DGKG: variants seen among roughly 807,000 people sequenced by gnomAD.
DGKG encodes diacylglycerol kinase gamma.
Under a neutral mutation model 105.3 loss-of-function variants are expected in DGKG, and 78 were observed. The observed-to-expected ratio is 0.74, with a 90% CI of 0.62 to 0.89. The LOEUF (loss-of-function observed/expected upper bound fraction) is 0.89. Among genes scored for constraint, DGKG ranks in the 40% least tolerant of loss-of-function variants. The pLI, the probability that DGKG is intolerant of heterozygous loss-of-function variation, is 0.00. For missense variants in DGKG, 958 were observed against 1,020.1 expected (o/e 0.94, Z 0.83); for synonymous variants, 346 against 367.1 (o/e 0.94, Z 0.66).
intron 21 of DGKG, among the ~76,000 whole-genome samples, chr3:186,194,973 G>T (rs1228213063): frequency 6.6e-6 from 1 of 151,898 alleles, no homozygotes; most frequent in African/African-American, 2.4e-5. Flanking sequence ...GGCGTGGTGG[G>T]GGACGCCTGT....
In DGKG at chr3:186,210,768, C is replaced by G. The variant is rs1718998094; in HGVS notation, c.1917+1027G>C. The G allele has an allele frequency of 2.9e-6, 1 of 342,402 alleles. No individual in the cohort carries two copies. The highest frequency in any genetic ancestry group is 5.7e-6 in the Non-Finnish European group (1 of 174,080). 21.2% of individuals were successfully genotyped at this position (342,402 alleles called of 1,614,324 possible). On this transcript the variant is annotated intron_variant, in intron 21 of 24. Transcript: ENST00000265022. The surrounding 1 kb of genome is among the most constrained non-coding windows in gnomAD (Gnocchi z 5.2). ...GCCAAGCTGGTGGGCCAAGAGGAGC[C>G]CACCCTGGCTGAACTCTCTGGCTGC...
chr3:186,229,154 C>A (rs927246344), intron 20 of DGKG, among the ~76,000 whole-genome samples: 7 of 152,028 alleles, frequency 4.6e-5, no homozygotes, highest in African/African-American at 1.5e-4. Flanking sequence ...CTGGCGGCAA[C>A]CTCTAGAAGC....
At chr3:186,224,214 C>T (rs1719738700) in intron 20 of DGKG, among the ~76,000 whole-genome samples, 1 of 152,166 alleles carries the variant, frequency 6.6e-6, no homozygotes, top group Non-Finnish European at 1.5e-5. Context: ...GCTCCCAATT[C>T]CTTGCCAGGG....
chr3:186,268,217 C>T (rs577613476), intron 12 of DGKG, among the ~76,000 whole-genome samples: 14 of 152,306 alleles, frequency 9.2e-5, no homozygotes, highest in African/African-American at 3.1e-4. Context: ...GAGAAACCTA[C>T]ATTTTGAGGC....
Position 186,298,077 on chromosome 3 carries a change from C to T in DGKG, c.297G>A (p.Glu99=), listed in dbSNP as rs1387016296. Reference sequence around the variant, plus strand: ...AGCTCTGTGTACCTGCGCTGTTGGCCTCACTGTTGCTGGCTCCCTCCGTCG... The same window carrying T: ...AGCTCTGTGTACCTGCGCTGTTGGCTTCACTGTTGCTGGCTCCCTCCGTCG... ...DHPTEGASNS[E]ANSADTNIQN... Residue 99 remains glutamate, a synonymous_variant, in exon 4 of 25, where the codon GAG becomes GAA. Transcript: ENST00000265022. 4 of 1,610,852 alleles carry T rather than the reference C, an allele frequency of 2.5e-6. No individual in the cohort carries two copies. In the South Asian group the frequency reaches 3.3e-5, roughly 13 times the overall value.
At chr3:186,201,264 C>CT (rs1718446365) in intron 21 of DGKG, among the ~76,000 whole-genome samples, 1 of 151,758 alleles carries the variant, frequency 6.6e-6, no homozygotes, top group African/African-American at 2.4e-5. Flanking sequence ...GTGGATGGGG[C>CT]TTTTTGAGGG....
intron 20 of DGKG, among the ~76,000 whole-genome samples, chr3:186,230,734 C>G (rs912500461): frequency 6.6e-6 from 1 of 152,006 alleles, no homozygotes; most frequent in Non-Finnish European, 1.5e-5. Flanking sequence ...TCTTGGGGAC[C>G]AACTGGGAAG....
At chr3:186,234,234 T>C (rs761455910) in intron 20 of DGKG, among the ~76,000 whole-genome samples, 5 of 152,242 alleles carry the variant, frequency 3.3e-5, no homozygotes, top group Non-Finnish European at 7.3e-5. Flanking sequence ...CTAAGGCTTC[T>C]CTTCTTTGGG....
chr3:186,260,284 A>T (rs1018394532), intron 16 of DGKG, among the ~76,000 whole-genome samples, 155 bp downstream of exon 16: 6 of 152,002 alleles, frequency 3.9e-5, no homozygotes, highest in Non-Finnish European at 8.8e-5. Context: ...TCCAGGAGTC[A>T]GAGTCAGACG....
intron 20 of DGKG, among the ~76,000 whole-genome samples, chr3:186,219,151 T>TAAAA (rs35173611): frequency 1.4e-4 from 17 of 124,244 alleles, no homozygotes; most frequent in Middle Eastern, 4.0e-3. Flanking sequence ...CATCAAGAGT[T>TAAAA]AAAAAAAAAA....
intron 22 of DGKG, 96 bp downstream of exon 22, chr3:186,188,106 C>CTGGG: frequency 7.1e-7 from 1 of 1,401,094 alleles, no homozygotes; most frequent in African/African-American, 1.4e-5. Context: ...GGAGTCCTTG[C>CTGGG]TGGGCTGTGG....
chr3:186,148,755 G>A lies in DGKG; in HGVS notation c.*1335C>T. The A allele has an allele frequency of 4.1e-6, 4 of 985,454 alleles. No individual in the cohort carries two copies. The highest frequency in any genetic ancestry group is 4.8e-6 in the Non-Finnish European group (4 of 829,876). 61.0% of individuals were successfully genotyped at this position (985,454 alleles called of 1,614,324 possible). On this transcript the variant is annotated 3_prime_UTR_variant, in exon 25 of 25. Transcript: ENST00000265022. ...CTTTCATGCTTGTTTTGAGGATCCA[G>A]AATAGGAGTTCTCGGTCTCTTCGTT...
intron 17 of DGKG, among the ~76,000 whole-genome samples, chr3:186,255,814 G>C (rs866611549): frequency 3.3e-5 from 5 of 152,186 alleles, no homozygotes; most frequent in African/African-American, 9.7e-5. Context: ...GGGACCATGG[G>C]GGGGCGCTGC....
At chr3:186,309,129 G>C (rs1724395775) in intron 2 of DGKG, among the ~76,000 whole-genome samples, 1 of 152,168 alleles carries the variant, frequency 6.6e-6, no homozygotes, top group East Asian at 1.9e-4. Context: ...GAAACACCAA[G>C]TTGGGAAGAA....
chr3:186,174,049 C>T (rs557681940), intron 22 of DGKG, among the ~76,000 whole-genome samples: 1 of 152,346 alleles, frequency 6.6e-6, no homozygotes, highest in African/African-American at 2.4e-5. Context: ...AGAATGTACC[C>T]CTGTGACAGG....
At chr3:186,225,971 C>T (rs1249983476) in intron 20 of DGKG, among the ~76,000 whole-genome samples, 1 of 152,166 alleles carries the variant, frequency 6.6e-6, no homozygotes, top group African/African-American at 2.4e-5. Flanking sequence ...AGATCACATG[C>T]ACAGAAATAA....
chr3:186,332,586 A>G (rs936814922), intron 1 of DGKG, among the ~76,000 whole-genome samples: 1 of 152,092 alleles, frequency 6.6e-6, no homozygotes, highest in Admixed American at 6.6e-5. Context: ...GGAATTAGAG[A>G]CCAGAATTCA....
rs56221168 is a variant in DGKG, at chr3:186,295,502, A to AAAT, written c.373+1916_373+1918dup. On this transcript the variant is annotated intron_variant, in intron 5 of 24. Coordinates refer to ENST00000265022, the MANE Select transcript of DGKG (RefSeq NM_001346.3). ...GGTGACAGAGCGAGACTCCGTCTCAAAATAATAATAATAATAATAATAATA... is the reference window on the plus strand; with the variant it reads ...GGTGACAGAGCGAGACTCCGTCTCAAAATAATAATAATAATAATAATAATAATA... Among the ~76,000 whole-genome samples, 499 of 145,370 alleles carry AAAT rather than the reference A, an allele frequency of 3.4e-3. 4 individuals carry two copies. The highest frequency in any genetic ancestry group is 9.5e-3 in the African/African-American group (378 of 39,808).
intron 22 of DGKG, among the ~76,000 whole-genome samples, chr3:186,184,134 G>A (rs191504079): frequency 6.7e-6 from 1 of 150,276 alleles, no homozygotes; most frequent in Non-Finnish European, 1.5e-5. Flanking sequence ...TTTTTTTTAG[G>A]TTTGAGCTTA....
Sources: allele counts gnomAD v4.1 joint callset (sites outside exome capture counted in the v4.1 genomes callset), GRCh38; gene constraint gnomAD v4.1.1; non-coding constraint Gnocchi (gnomAD v3.1); transcripts MANE v1.5; gene names NCBI Gene and HGNC (gene_info 2026-07-23, HGNC 2026-07-21).